Variants in GPC5 observed in about 807,000 individuals in gnomAD.
The protein encoded by GPC5 is glypican-5.
In GPC5, 47 loss-of-function variants were observed where a neutral mutation model predicts 53.9. The ratio of observed to expected loss-of-function variants is 0.87; its 90% confidence interval spans 0.69 to 1.11. The LOEUF (loss-of-function observed/expected upper bound fraction) is 1.11. GPC5 is among the 50% of genes most tolerant of loss of function. The pLI is 0.00. For missense variants in GPC5, 748 were observed against 713.1 expected, an observed-to-expected ratio of 1.05 and a Z score of -0.56; for synonymous variants, 286 against 263.3, an observed-to-expected ratio of 1.09 and a Z score of -0.84.
intron 6 of GPC5, among the ~76,000 whole-genome samples, chr13:91,912,188 C>A (rs1376720130): frequency 2.6e-5 from 4 of 152,102 alleles, no homozygotes; most frequent in Non-Finnish European, 4.4e-5. Context: ...ATGTATTGGG[C>A]ACCTTGTATA....
intron 5 of GPC5, among the ~76,000 whole-genome samples, chr13:91,838,756 CAGA>C (rs2038751267): frequency 6.6e-6 from 1 of 152,146 alleles, no homozygotes; most frequent in South Asian, 2.1e-4. Context: ...AGCAGCAGGT[CAGA>C]AGCTCAGGGA....
chr13:92,739,449 A>G (rs1229222626), intron 7 of GPC5, among the ~76,000 whole-genome samples: 2 of 152,072 alleles, frequency 1.3e-5, no homozygotes, highest in South Asian at 2.1e-4. Context: ...AATTGTAAAC[A>G]TGCTCTCAGA....
intron 7 of GPC5, among the ~76,000 whole-genome samples, chr13:92,800,288 C>T (rs549470373): frequency 2.0e-5 from 3 of 151,924 alleles, no homozygotes; most frequent in Non-Finnish European, 2.9e-5. Flanking sequence ...CATAACATTA[C>T]GGTGCATGCT....
intron 2 of GPC5, among the ~76,000 whole-genome samples, chr13:91,622,877 A>C (rs1287586873): frequency 6.6e-6 from 1 of 152,190 alleles, no homozygotes; most frequent in African/African-American, 2.4e-5. Context: ...TATAGAATAA[A>C]GGTATTGCAG....
chr13:91,985,298 T>C (rs1474033383), intron 6 of GPC5, among the ~76,000 whole-genome samples: 14 of 152,148 alleles, frequency 9.2e-5, no homozygotes, highest in Non-Finnish European at 1.9e-4. Flanking sequence ...GCTTGGTATA[T>C]GTTTTGTCAT....
chr13:92,604,572 G>A (rs184421612), intron 7 of GPC5, among the ~76,000 whole-genome samples: 12 of 152,224 alleles, frequency 7.9e-5, no homozygotes, highest in African/African-American at 1.7e-4. Context: ...ATGCAATTGC[G>A]TAGATTAATT....
intron 6 of GPC5, among the ~76,000 whole-genome samples, chr13:92,081,866 G>C (rs558715153): frequency 6.6e-6 from 1 of 152,094 alleles, no homozygotes; most frequent in Non-Finnish European, 1.5e-5. Flanking sequence ...TATATAATGC[G>C]TATATTGTGT....
intron 7 of GPC5, among the ~76,000 whole-genome samples, chr13:92,301,070 G>T (rs1283383991): frequency 6.6e-6 from 1 of 152,092 alleles, no homozygotes; most frequent in Non-Finnish European, 1.5e-5. Context: ...ATGTAAAAAA[G>T]GAGAAAGTAC....
At chr13:92,096,718 A>T (rs1234941779) in intron 6 of GPC5, among the ~76,000 whole-genome samples, 1 of 152,222 alleles carries the variant, frequency 6.6e-6, no homozygotes. Context: ...ACACAGCAAG[A>T]AGACCTTTAA....
At chr13:91,439,700 CCT>C (rs1232911084) in intron 1 of GPC5, among the ~76,000 whole-genome samples, 3 of 152,080 alleles carry the variant, frequency 2.0e-5, no homozygotes, top group African/African-American at 7.2e-5. Flanking sequence ...CCTTGATTCC[CCT>C]CTCTCTATCA....
At chr13:91,723,477 C>CA (rs111269990) in intron 3 of GPC5, among the ~76,000 whole-genome samples, 126,147 of 148,338 alleles carry the variant, frequency 0.85, 53,760 homozygotes, top group East Asian at 0.94. Flanking sequence ...TCTCTCCCTC[C>CA]AAAAAAAAAA....
intron 1 of GPC5, among the ~76,000 whole-genome samples, chr13:91,424,266 T>A (rs752286983): frequency 6.6e-6 from 1 of 151,062 alleles, no homozygotes; most frequent in Non-Finnish European, 1.5e-5. Context: ...AGTTTCATCA[T>A]GACATTCCTT....
chr13:92,574,153 A>C (rs1033327699), intron 7 of GPC5, among the ~76,000 whole-genome samples: 22 of 152,188 alleles, frequency 1.4e-4, no homozygotes, highest in African/African-American at 5.3e-4. Context: ...CTCTTGTTTA[A>C]AATACTACAA....
intron 7 of GPC5, among the ~76,000 whole-genome samples, chr13:92,404,796 G>T (rs1286846155): frequency 6.7e-6 from 1 of 149,538 alleles, no homozygotes; most frequent in African/African-American, 2.5e-5. Context: ...TCAACAGAAG[G>T]TGTTTAATAG....
At chr13:92,529,982 G>A (rs115161159) in intron 7 of GPC5, among the ~76,000 whole-genome samples, 1,673 of 152,242 alleles carry the variant, frequency 0.011, 30 homozygotes, top group African/African-American at 0.038. Flanking sequence ...TACTCTGGGG[G>A]CTGAGGCGGG....
intron 1 of GPC5, among the ~76,000 whole-genome samples, chr13:91,448,411 T>G (rs1360494193): frequency 6.6e-6 from 1 of 152,230 alleles, no homozygotes; most frequent in Non-Finnish European, 1.5e-5. Flanking sequence ...ACATATTTCT[T>G]TCAAGCAATT....
chr13:92,840,207 C>A (rs571545986), intron 7 of GPC5, among the ~76,000 whole-genome samples: 1 of 149,956 alleles, frequency 6.7e-6, no homozygotes, highest in Non-Finnish European at 1.5e-5. Flanking sequence ...TTGTAGGAGG[C>A]GACAGGATTC....
chr13:91,764,996 G>T (rs145022319), intron 5 of GPC5, among the ~76,000 whole-genome samples: 3 of 152,260 alleles, frequency 2.0e-5, no homozygotes, highest in African/African-American at 7.2e-5. Context: ...TCTTTCTGCT[G>T]AGATCTTTTG....
At chr13:91,812,571 C>T (rs978370813) in intron 5 of GPC5, among the ~76,000 whole-genome samples, 4 of 152,188 alleles carry the variant, frequency 2.6e-5, no homozygotes, top group East Asian at 3.8e-4. Context: ...GTGGAATCTA[C>T]AATAATGTCC....
Sources: allele counts gnomAD v4.1 joint callset (sites outside exome capture counted in the v4.1 genomes callset), GRCh38; gene constraint gnomAD v4.1.1; transcripts MANE v1.5; gene names NCBI Gene and HGNC (gene_info 2026-07-23, HGNC 2026-07-21).